The following CDK13 variants were observed in gnomAD, a reference collection of about 807,000 sequenced individuals.
CDK13 encodes cyclin-dependent kinase 13.
A neutral mutation model predicts 137.6 loss-of-function variants in CDK13; 40 were observed. The observed-to-expected ratio is 0.29, with a 90% confidence interval of 0.23 to 0.38. The LOEUF is 0.38. Ranked by LOEUF, CDK13 falls within the 10% of genes least tolerant of loss-of-function variation. The pLI is 1.00. For synonymous variants in CDK13, 869 were observed against 760.1 expected (o/e 1.14, Z -2.36); for missense variants, 1,704 against 1,951.8 (o/e 0.87, Z 2.39).
intron 1 of CDK13, chr7:39,952,589 A>G (rs998092717): frequency 6.6e-6 from 1 of 152,222 alleles, no homozygotes; most frequent in Admixed American, 6.5e-5. Flanking sequence ...TAATAACATT[A>G]TAAATCTGGG....
intron 1 of CDK13, among the ~76,000 whole-genome samples, chr7:39,981,792 CTTT>C (rs545024171): frequency 4.4e-5 from 6 of 136,294 alleles, no homozygotes; most frequent in Admixed American, 7.3e-5. Flanking sequence ...TCCAAAATAT[CTTT>C]TTTTTTTTTT....
chr7:40,042,474 TTTC>T (rs1785630143), intron 5 of CDK13, among the ~76,000 whole-genome samples: 1 of 124,698 alleles, frequency 8.0e-6, no homozygotes. Context: ...TTTTCTTTTC[TTTC>T]TTTTTTTTTT....
chr7:40,054,200 T>C (rs1447789788), intron 7 of CDK13, among the ~76,000 whole-genome samples: 5 of 152,190 alleles, frequency 3.3e-5, no homozygotes, highest in Admixed American at 2.0e-4. Flanking sequence ...CCTCCAAATA[T>C]ATTTTTGACA....
At chr7:39,988,618 A>C (rs1273004937) in intron 2 of CDK13, among the ~76,000 whole-genome samples, 1 of 152,194 alleles carries the variant, frequency 6.6e-6, no homozygotes, top group African/African-American at 2.4e-5. Flanking sequence ...TATACATCTC[A>C]CAAGCATTTG....
At position 40,095,255 on chromosome 7, in the gene CDK13, AG is replaced by A. The variant is rs1787023485; in HGVS notation, c.*279del. The A allele has an allele frequency of 4.4e-6, 1 of 226,926 alleles. No homozygotes were observed. The highest frequency in any genetic ancestry group is 8.5e-6 in the Non-Finnish European group (1 of 117,854). The allele number at this position is 226,926 out of a possible 1,614,324, so 14.1% of individuals were successfully genotyped here. On this transcript the variant is annotated 3_prime_UTR_variant, in exon 14 of 14. Coordinates refer to ENST00000181839, the MANE Select transcript of CDK13 (RefSeq NM_003718.5). ...GCAGTTTTAAGTGGATGCTAATTTT[AG>A]GGGCATAAGCCTTTTATGGCCCTCT...
intron 1 of CDK13, among the ~76,000 whole-genome samples, chr7:39,959,848 T>C: frequency 6.6e-6 from 1 of 152,000 alleles, no homozygotes; most frequent in Non-Finnish European, 1.5e-5. Context: ...CTTGTTTTTT[T>C]TTTTTTTTGC....
At chr7:39,964,750 T>C (rs1257580037) in intron 1 of CDK13, among the ~76,000 whole-genome samples, 2 of 152,328 alleles carry the variant, frequency 1.3e-5, no homozygotes, top group South Asian at 2.1e-4. Context: ...TGCTTTCTCT[T>C]GTGGGCTTTA....
Position 39,982,583 on chromosome 7 carries a change from A to T in CDK13, c.1212-5016A>T, listed in dbSNP as rs1270096820. 5.3e-5 allele frequency among the ~76,000 whole-genome samples: 8 copies of T among 152,314 alleles called. No homozygotes were observed. In the South Asian group the frequency reaches 1.7e-3, roughly 32 times the overall value. ...ATTTCTAGTTCTAGATCCCTGAGGA[A>T]TCGCCACACTGACTTCCACAATGGT... On this transcript the variant is annotated intron_variant, in intron 1 of 13. Coordinates refer to ENST00000181839, the MANE Select transcript of CDK13 (RefSeq NM_003718.5).
intron 1 of CDK13, among the ~76,000 whole-genome samples, chr7:39,977,330 G>A (rs1468881708): frequency 2.0e-5 from 3 of 152,204 alleles, no homozygotes; most frequent in Non-Finnish European, 2.9e-5. Context: ...AATACTATCA[G>A]CAGTGTCTTT....
rs545132636 is a variant in CDK13 at position 39,996,878 on chromosome 7, C to T, written c.1872-616C>T. On this transcript the variant is annotated intron_variant, in intron 2 of 13. Coordinates refer to ENST00000181839, the MANE Select transcript of CDK13 (RefSeq NM_003718.5). ...TTTGGGAGGCTTGAGACAAGATAAT[C>T]GCTTGAACCCAGGAGGTGGAGGTTG... Among the ~76,000 whole-genome samples the T allele has an allele frequency of 2.2e-4, 32 of 144,506 alleles. 1 individual carries two copies. Among genetic ancestry groups the T allele is most frequent in the Admixed American group, 1.6e-3 (22 of 13,894 alleles). The allele number at this position is 144,506 out of a possible 152,430, so 94.8% of individuals were successfully genotyped here.
chr7:40,043,642 A>AC (rs753984544), intron 5 of CDK13, among the ~76,000 whole-genome samples: 1 of 151,894 alleles, frequency 6.6e-6, no homozygotes, highest in African/African-American at 2.4e-5. Context: ...ACATAGAGAG[A>AC]CCCCATCTCT....
chr7:39,968,770 G>T (rs1783929760), intron 1 of CDK13, among the ~76,000 whole-genome samples: 1 of 152,150 alleles, frequency 6.6e-6, no homozygotes, highest in Non-Finnish European at 1.5e-5. Context: ...GCTCAGGATT[G>T]CTTTGGCCAT....
intron 8 of CDK13, 41 bp from the exon 9 acceptor site, chr7:40,062,982 A>C: frequency 6.2e-7 from 1 of 1,606,074 alleles, no homozygotes; most frequent in Non-Finnish European, 8.5e-7. Flanking sequence ...GTAGTGAATT[A>C]AAATAGATCA....
rs185839338 is a variant in CDK13, at chr7:39,961,049, T to C, written c.1211+9197T>C. 3.9e-4 allele frequency among the ~76,000 whole-genome samples: 60 copies of C among 152,134 alleles called. No individual in the cohort carries two copies. In the East Asian group the frequency reaches 0.01, roughly 26 times the overall value. On this transcript the variant is annotated intron_variant, in intron 1 of 13. Coordinates refer to ENST00000181839, the MANE Select transcript of CDK13 (RefSeq NM_003718.5). ...TTTTAACACAGCTCGAAACAGCCAT[T>C]GAAGAAAACATTTTAACTCTACTCT...
chr7:39,953,291 G>A (rs996677613), intron 1 of CDK13, among the ~76,000 whole-genome samples: 4 of 152,172 alleles, frequency 2.6e-5, no homozygotes, highest in African/African-American at 9.7e-5. Context: ...ATCAAAATTA[G>A]CCATTGTATC....
chr7:40,003,206 A>ACACACACACTCTCT (rs374470130), intron 5 of CDK13, among the ~76,000 whole-genome samples: 3 of 79,864 alleles, frequency 3.8e-5, no homozygotes, highest in African/African-American at 1.4e-4. Context: ...ACACACACAC[A>ACACACACACTCTCT]CTCTCTCTCT....
chr7:39,987,865 C>A lies in CDK13; in HGVS notation c.1478C>A (p.Ser493Tyr), dbSNP rs1331110870. 2 of 1,614,236 alleles carry A rather than the reference C, an allele frequency of 1.2e-6. No homozygotes were observed. Among genetic ancestry groups the A allele is most frequent in the Admixed American group, 3.3e-5 (2 of 60,020 alleles). Reference sequence around the variant, plus strand: ...AAGGCTGCAAAAGCTTCAAACACTTCTACACCTACCAAGGGGAACACGGAA... The same window carrying A: ...AAGGCTGCAAAAGCTTCAAACACTTATACACCTACCAAGGGGAACACGGAA... ...AAKAAKASNTSTPTKGNTETS... is the reference protein window; with the variant it reads ...AAKAAKASNTYTPTKGNTETS... The change falls in exon 2 of 14, where the codon TCT becomes TAT. Residue 493 changes from serine to tyrosine, a missense_variant. Transcript: ENST00000181839.
chr7:40,001,280 T>G (rs1036831387), intron 4 of CDK13, among the ~76,000 whole-genome samples: 26 of 151,088 alleles, frequency 1.7e-4, no homozygotes, highest in Non-Finnish European at 3.2e-4. Context: ...CAGAGTGCAG[T>G]GGCGTGTCGT....
At chr7:40,065,484 A>G (rs1223747078) in intron 9 of CDK13, among the ~76,000 whole-genome samples, 1 of 150,940 alleles carries the variant, frequency 6.6e-6, no homozygotes, top group African/African-American at 2.4e-5. Context: ...AAAAATTCCA[A>G]AAAAAAAATC....
Sources: gnomAD v4.1 joint callset for allele counts (sites outside exome capture counted in the v4.1 genomes callset) on GRCh38, gnomAD v4.1.1 for gene constraint, MANE v1.5 for transcripts, NCBI Gene and HGNC (gene_info 2026-07-23, HGNC 2026-07-21) for gene names.